IFT122: variants seen among roughly 807,000 people sequenced by gnomAD.
IFT122 encodes intraflagellar transport 122.
Under a neutral mutation model 161.6 loss-of-function variants are expected in IFT122, and 118 were observed. That is an observed-to-expected ratio of 0.73 (90% CI 0.63 to 0.85). IFT122 has a LOEUF of 0.85. Ranked by LOEUF, IFT122 falls within the 40% of genes least tolerant of loss-of-function variation. IFT122 has a pLI of 0.00. For synonymous variants in IFT122, 550 were observed against 602.4 expected (o/e 0.91, Z 1.27); for missense variants, 1,381 against 1,579.6 (o/e 0.87, Z 2.13).
intron 4 of IFT122, 198 bp from the exon 5 acceptor site, chr3:129,461,030 A>G (rs769134531): frequency 6.8e-5 from 76 of 1,112,630 alleles, no homozygotes; most frequent in Non-Finnish European, 1.0e-4. Flanking sequence ...TCTACAAATA[A>G]GAAAACAGTG....
At chr3:129,448,806 C>T (rs2074374351) in intron 1 of IFT122, among the ~76,000 whole-genome samples, 3 of 152,072 alleles carry the variant, frequency 2.0e-5, no homozygotes, top group African/African-American at 7.2e-5. Context: ...ATTCTCCTGC[C>T]TCAGCCTCTC....
Position 129,449,917 on chromosome 3 carries a change from G to C in IFT122, c.88G>C (p.Ala30Pro), listed in dbSNP as rs760610536. 1 of 1,612,364 alleles carries C rather than the reference G, an allele frequency of 6.2e-7. No individual in the cohort carries two copies. Among genetic ancestry groups the C allele is most frequent in the South Asian group, 1.1e-5 (1 of 91,056 alleles). The change falls in exon 2 of 30, where the codon GCT becomes CCT. Residue 30 changes from alanine (A) to proline (P), a missense_variant. By Grantham distance (27) the Ala-to-Pro change is conservative (BLOSUM62 -1). Coordinates refer to ENST00000348417, the MANE Select transcript of IFT122 (RefSeq NM_052989.3). Reference sequence around the variant, plus strand: ...GCCTGATGGAACTCAACTGATTTTGGCTGCCGGAAGCAGATTACTGGTAGG... The same window carrying C: ...GCCTGATGGAACTCAACTGATTTTGCCTGCCGGAAGCAGATTACTGGTAGG... ...FKPDGTQLIL[A>P]AGSRLLVYDT...
intron 19 of IFT122, among the ~76,000 whole-genome samples, chr3:129,500,542 A>G (rs1179290427): frequency 6.6e-6 from 1 of 152,246 alleles, no homozygotes; most frequent in African/African-American, 2.4e-5. Context: ...GTAGGAACAA[A>G]AACAAAACAA....
chr3:129,476,910 CA>C, intron 11 of IFT122, 109 bp downstream of exon 11: 1 of 1,362,170 alleles, frequency 7.3e-7, no homozygotes, highest in Non-Finnish European at 1.0e-6. Context: ...TGGCGTTTTG[CA>C]AACCTGTTAG....
chr3:129,519,128 T>C lies in IFT122; in HGVS notation c.3413T>C (p.Val1138Ala). The C allele has an allele frequency of 6.2e-7, 1 of 1,614,120 alleles. No homozygotes were observed. Among genetic ancestry groups the C allele is most frequent in the Non-Finnish European group, 8.5e-7 (1 of 1,179,988 alleles). ...CCAGGCTCCCAGATTCTGCGGCTAG[T>C]GGAGACCAAGGACTCCATCGGAGAT... ...ANNSSQILRL[V>A]ETKDSIGDED... The change falls in exon 28 of 30, where the codon GTG becomes GCG. Residue 1138 changes from valine (V) to alanine (A), a missense_variant. Physicochemically the swap from Val to Ala is moderately conservative, Grantham distance 64 (BLOSUM62 0). This residue lies in a region of IFT122 where 177 missense variants were observed against 199.2 expected (regional missense o/e 0.89). Coordinates refer to ENST00000348417, the MANE Select transcript of IFT122 (RefSeq NM_052989.3).
At chr3:129,499,777 C>G in intron 18 of IFT122, 125 bp from the exon 19 acceptor site, 1 of 1,142,838 alleles carries the variant, frequency 8.8e-7, no homozygotes, top group Non-Finnish European at 1.3e-6. Context: ...AGGGCCGGGC[C>G]CTGCCTACCT....
chr3:129,464,796 GTCC>G lies in IFT122; in HGVS notation c.563+20_563+22del. On this transcript the variant is annotated intron_variant, in intron 7 of 29. Transcript: ENST00000348417. ...AACCCTTCAAGGTACTCTTAAAGTTGTCCTCCTTCTAGAACAAACACCATCATG... is the reference window on the plus strand; with the variant it reads ...AACCCTTCAAGGTACTCTTAAAGTTGTCCTTCTAGAACAAACACCATCATG... 6.2e-7 allele frequency: 1 copy of G among 1,613,966 alleles called. No homozygotes were observed. The highest frequency in any genetic ancestry group is 8.5e-7 in the Non-Finnish European group (1 of 1,179,918).
In IFT122 at chr3:129,514,330, G is replaced by C. The variant is rs59520593; in HGVS notation, c.2988-59G>C. ...AGCCTGGGGCTCACTCCAAGGACAG[G>C]CAGTGCCAGCTCCTGGGCCTGGTGT... On this transcript the variant is annotated intron_variant, in intron 24 of 29. Transcript: ENST00000348417. The C allele has an allele frequency of 1.5e-3, 2,318 of 1,585,088 alleles. 35 individuals carry two copies. In the African/African-American group the frequency reaches 0.028, roughly 19 times the overall value.
intron 4 of IFT122, chr3:129,459,412 C>T (rs919544498): frequency 2.6e-6 from 1 of 388,712 alleles, no homozygotes; most frequent in Admixed American, 3.0e-5. Flanking sequence ...GCCTCAGCCT[C>T]CCGAGTAGCT....
chr3:129,493,796 C>T (rs188865001), intron 17 of IFT122, among the ~76,000 whole-genome samples: 246 of 152,330 alleles, frequency 1.6e-3, no homozygotes, highest in Non-Finnish European at 2.2e-3. Flanking sequence ...CATAATTTTC[C>T]TCTCTACAAA....
In IFT122 at chr3:129,478,036, C is replaced by T. The variant is rs2108292713; in HGVS notation, c.1168C>T (p.Leu390Phe). The T allele has an allele frequency of 8.1e-6, 13 of 1,614,118 alleles. No individual in the cohort carries two copies. The highest frequency in any genetic ancestry group is 1.0e-5 in the Non-Finnish European group (12 of 1,179,954). ...GACAGTTCGGATTAAATGCAAAGAG[C>T]TTGTCAAGAAGATTGCCATCTACAG... Reference protein sequence around the residue: ...EQKVRIKCKELVKKIAIYRNR... With the variant: ...EQKVRIKCKEFVKKIAIYRNR... Residue 390 changes from leucine (L) to phenylalanine (F), a missense_variant, in exon 12 of 30, where the codon CTT becomes TTT. This residue lies in a region of IFT122 where 544 missense variants were observed against 648.0 expected (regional missense o/e 0.84). Transcript: ENST00000348417.
chr3:129,449,776 G>A, intron 1 of IFT122, 95 bp from the exon 2 acceptor site: 1 of 856,132 alleles, frequency 1.2e-6, no homozygotes. Context: ...TACACACACA[G>A]TGTTTCTTAA....
intron 8 of IFT122, 133 bp downstream of exon 8, chr3:129,467,199 C>A: frequency 4.0e-6 from 3 of 757,278 alleles, no homozygotes; most frequent in African/African-American, 1.8e-5. Context: ...AAAGCGCCTT[C>A]AAAAAAAGGA....
At position 129,481,563 on chromosome 3, in the gene IFT122, A is replaced by T. The variant is rs1417822661; in HGVS notation, c.1522A>T (p.Ile508Phe). 1 of 1,588,310 alleles carries T rather than the reference A, an allele frequency of 6.3e-7. No individual in the cohort carries two copies. The highest frequency in any genetic ancestry group is 8.6e-7 in the Non-Finnish European group (1 of 1,156,892). Residue 508 changes from isoleucine to phenylalanine, a missense_variant, in exon 14 of 30, where the codon ATC becomes TTC. By Grantham distance (21) the Ile-to-Phe change is conservative. Around this residue, in one of 7 missense-constraint regions of IFT122, gnomAD observed 544 missense variants for 648.0 expected, o/e 0.84. Coordinates refer to ENST00000348417, the MANE Select transcript of IFT122 (RefSeq NM_052989.3). The stretch of plus-strand genomic sequence containing the variant: ...GATCTTCGTGGACAATCTCTTTGCT[A>T]TCGTCCTGCTGAAGCAGGCCACAGC... ...LKIFVDNLFA[I>F]VLLKQATAVR...
chr3:129,473,931 CT>C (rs11293342), intron 9 of IFT122, among the ~76,000 whole-genome samples: 35,948 of 152,062 alleles, frequency 0.24, 6,538 homozygotes, highest in East Asian at 0.49. Flanking sequence ...ATTGTTGTTA[CT>C]TTGTGGGAAG....
chr3:129,512,172 A>G (rs2082914217), intron 23 of IFT122, 140 bp from the exon 24 acceptor site: 2 of 754,318 alleles, frequency 2.7e-6, no homozygotes, highest in African/African-American at 1.7e-5. Context: ...TATGGCGCTC[A>G]GCACACAGTA....
chr3:129,502,984 C>T, intron 20 of IFT122, 102 bp downstream of exon 20: 4 of 1,085,184 alleles, frequency 3.7e-6, no homozygotes, highest in Non-Finnish European at 5.3e-6. Flanking sequence ...AGAGAAGCTG[C>T]CCTCGTGATG....
chr3:129,506,365 C>A (rs1397417636), intron 21 of IFT122, 44 bp from the exon 22 acceptor site: 16 of 1,607,856 alleles, frequency 1.0e-5, no homozygotes, highest in Non-Finnish European at 1.4e-5. Flanking sequence ...TGTGTGACTT[C>A]CTAAATAGCA....
intron 18 of IFT122, among the ~76,000 whole-genome samples, chr3:129,497,793 G>A (rs992863794): frequency 6.6e-6 from 1 of 152,076 alleles, no homozygotes; most frequent in South Asian, 2.1e-4. Context: ...CATTATGTGG[G>A]GGGTGGGGGA....
Sources: gnomAD v4.1 joint callset for allele counts (sites outside exome capture counted in the v4.1 genomes callset) on GRCh38, gnomAD v4.1.1 for gene constraint, gnomAD v4.1.1 regional missense constraint, MANE v1.5 for transcripts, NCBI Gene and HGNC (gene_info 2026-07-23, HGNC 2026-07-21) for gene names.